Variants in FOXN3 observed in about 807,000 individuals in gnomAD.
FOXN3 encodes forkhead box N3.
A neutral mutation model predicts 38.4 loss-of-function variants in FOXN3; 7 were observed. The ratio of observed to expected loss-of-function variants is 0.18; its 90% CI spans 0.10 to 0.34. The LOEUF is 0.34. Among genes scored for constraint, FOXN3 ranks in the 10% least tolerant of loss-of-function variants. The probability of loss-of-function intolerance (pLI) is 1.00; values close to 1 mark genes in which losing one functional copy is unlikely to be tolerated. For missense variants in FOXN3, 456 were observed against 613.4 expected, an observed-to-expected ratio of 0.74 and a Z score of 2.71; for synonymous variants, 230 against 242.2, an observed-to-expected ratio of 0.95 and a Z score of 0.47.
intron 1 of FOXN3, among the ~76,000 whole-genome samples, chr14:89,615,635 C>T (rs1896480883): frequency 1.3e-5 from 2 of 152,182 alleles, no homozygotes; most frequent in Admixed American, 1.3e-4. Context: ...AAGCAACTGA[C>T]ATGTTTCCTG....
Position 89,484,424 on chromosome 14 carries a change from A to G in FOXN3, c.-14-71934T>C, listed in dbSNP as rs76466201. 0.042 allele frequency among the ~76,000 whole-genome samples: 6,380 copies of G among 152,326 alleles called. 225 individuals are homozygous for G. Among genetic ancestry groups the G allele is most frequent in the Non-Finnish European group, 0.067 (4,551 of 68,022 alleles). The stretch of plus-strand genomic sequence containing the variant: ...TGAACAAACATGGCTCTGTTTCAAT[A>G]ACATTTTATTTAGGGACACTGAAAT... On this transcript the variant is annotated intron_variant, in intron 1 of 6. Coordinates refer to the FOXN3 transcript ENST00000345097. The surrounding 1 kb of genome is among the most constrained non-coding windows in gnomAD (Gnocchi z 4.0).
chr14:89,509,488 C>T (rs531513703), intron 1 of FOXN3, among the ~76,000 whole-genome samples: 2 of 152,322 alleles, frequency 1.3e-5, no homozygotes, highest in African/African-American at 2.4e-5. Context: ...GTGCCCACCA[C>T]CACGCCTGGC....
At chr14:89,257,657 G>A (rs931285348) in intron 4 of FOXN3, among the ~76,000 whole-genome samples, 1 of 152,166 alleles carries the variant, frequency 6.6e-6, no homozygotes, top group African/African-American at 2.4e-5. Context: ...GGCTGAGGCA[G>A]GAGGATCATT....
chr14:89,254,506 C>A (rs1885558431), intron 4 of FOXN3, among the ~76,000 whole-genome samples: 1 of 152,110 alleles, frequency 6.6e-6, no homozygotes, highest in Non-Finnish European at 1.5e-5. Flanking sequence ...CAGTTGCTGC[C>A]CTGTAGCAAG....
At chr14:89,278,640 G>A (rs761062615) in intron 4 of FOXN3, among the ~76,000 whole-genome samples, 18 of 152,122 alleles carry the variant, frequency 1.2e-4, no homozygotes, top group African/African-American at 1.7e-4. Flanking sequence ...ACCCAGCACT[G>A]AGAATTGCCA....
chr14:89,462,586 G>T (rs995952750), intron 1 of FOXN3, among the ~76,000 whole-genome samples: 2 of 152,132 alleles, frequency 1.3e-5, no homozygotes, highest in African/African-American at 4.8e-5. Context: ...TTCCTGATGG[G>T]GACTCTGTCT....
chr14:89,347,293 T>C (rs552545627), intron 3 of FOXN3, among the ~76,000 whole-genome samples: 5 of 152,252 alleles, frequency 3.3e-5, no homozygotes, highest in East Asian at 1.9e-4. Flanking sequence ...AATTTGGACA[T>C]AGACACCACA....
intron 2 of FOXN3, among the ~76,000 whole-genome samples, chr14:89,368,866 T>C (rs1890230656): frequency 6.6e-6 from 1 of 152,090 alleles, no homozygotes; most frequent in Admixed American, 6.5e-5. Flanking sequence ...ATAACTGACG[T>C]GATAGCCAAC....
intron 1 of FOXN3, among the ~76,000 whole-genome samples, chr14:89,487,259 G>A (rs1387945624): frequency 1.3e-5 from 2 of 152,214 alleles, no homozygotes; most frequent in African/African-American, 2.4e-5. Context: ...AATCATCTCT[G>A]AAGAAGATAT....
intron 3 of FOXN3, among the ~76,000 whole-genome samples, chr14:89,300,139 C>G (rs1417300810): frequency 6.7e-6 from 1 of 150,172 alleles, no homozygotes; most frequent in African/African-American, 2.5e-5. Flanking sequence ...TCACTATGAC[C>G]TATTTATCTT....
chr14:89,340,705 G>T (rs80104536), intron 3 of FOXN3, among the ~76,000 whole-genome samples: 4 of 152,008 alleles, frequency 2.6e-5, no homozygotes, highest in Non-Finnish European at 5.9e-5. Flanking sequence ...TAAACAATAG[G>T]GGGGAGGTTG....
intron 4 of FOXN3, among the ~76,000 whole-genome samples, chr14:89,266,034 T>G (rs1596141433): frequency 6.6e-6 from 1 of 152,200 alleles, no homozygotes; most frequent in East Asian, 1.9e-4. Flanking sequence ...CCTTGGGATC[T>G]TCCCAAACTG....
At chr14:89,205,920 A>G (rs774207201) in intron 4 of FOXN3, among the ~76,000 whole-genome samples, 1 of 152,198 alleles carries the variant, frequency 6.6e-6, no homozygotes, top group South Asian at 2.1e-4. Flanking sequence ...GCGCCCTGGG[A>G]GCGGGTTAAG....
chr14:89,240,692 AC>A (rs1885115096), intron 4 of FOXN3, among the ~76,000 whole-genome samples: 2 of 152,252 alleles, frequency 1.3e-5, no homozygotes, highest in African/African-American at 2.4e-5. Flanking sequence ...CATCGTGGTT[AC>A]CTCCGGGGAG....
intron 1 of FOXN3, among the ~76,000 whole-genome samples, chr14:89,579,852 G>A (rs1019369833): frequency 4.6e-5 from 7 of 151,938 alleles, no homozygotes; most frequent in African/African-American, 1.5e-4. Context: ...ATTTCCTTGT[G>A]TCTTCAATTG....
At chr14:89,505,188 T>G (rs190156283) in intron 1 of FOXN3, among the ~76,000 whole-genome samples, 1 of 152,170 alleles carries the variant, frequency 6.6e-6, no homozygotes, top group African/African-American at 2.4e-5. Context: ...TGTTGTTGTA[T>G]AGTTCTTTGC....
At chr14:89,427,643 C>G (rs1892069128) in intron 1 of FOXN3, among the ~76,000 whole-genome samples, 1 of 151,718 alleles carries the variant, frequency 6.6e-6, no homozygotes, top group African/African-American at 2.4e-5. Context: ...AATGAAAAGG[C>G]ACTACTTGCA....
chr14:89,520,637 G>T (rs897718375), intron 1 of FOXN3, among the ~76,000 whole-genome samples: 1 of 152,128 alleles, frequency 6.6e-6, no homozygotes, highest in Non-Finnish European at 1.5e-5. Context: ...AGAAAGACAG[G>T]AGTTGCAATT....
intron 3 of FOXN3, among the ~76,000 whole-genome samples, chr14:89,311,828 AAAAC>A (rs992748342): frequency 5.9e-5 from 9 of 152,134 alleles, no homozygotes; most frequent in African/African-American, 1.2e-4. Context: ...TCCGTCTCAA[AAAAC>A]AAACAAACAA....
Sources: allele counts gnomAD v4.1 joint callset (sites outside exome capture counted in the v4.1 genomes callset), GRCh38; gene constraint gnomAD v4.1.1; non-coding constraint Gnocchi (gnomAD v3.1); transcripts MANE v1.5; gene names NCBI Gene and HGNC (gene_info 2026-07-23, HGNC 2026-07-21).